The following FER1L6 variants were observed in gnomAD, a reference collection of about 807,000 sequenced individuals.
The protein encoded by FER1L6 is fer-1-like protein 6.
Under a neutral mutation model 219.2 loss-of-function variants are expected in FER1L6, and 177 were observed. The observed-to-expected ratio is 0.81, with a 90% confidence interval of 0.71 to 0.91. The LOEUF (loss-of-function observed/expected upper bound fraction) is 0.91, where lower values mean the gene tolerates loss of function less well. FER1L6 is among the 40% of genes least tolerant of loss of function. The pLI, the probability that FER1L6 is intolerant of heterozygous loss-of-function variation, is 0.00. For synonymous variants in FER1L6, 768 were observed against 824.3 expected, an observed-to-expected ratio of 0.93 and a Z score of 1.17; for missense variants, 2,153 against 2,259.9, an observed-to-expected ratio of 0.95 and a Z score of 0.96.
At chr8:124,053,715 G>A (rs569932171) in intron 22 of FER1L6, among the ~76,000 whole-genome samples, 107 of 152,162 alleles carry the variant, frequency 7.0e-4, no homozygotes, top group African/African-American at 2.3e-3. Context: ...AAATTCAGCC[G>A]GGTGTGATGG....
At chr8:123,858,967 A>G (rs1262549937) in intron 1 of FER1L6, among the ~76,000 whole-genome samples, 1 of 152,050 alleles carries the variant, frequency 6.6e-6, no homozygotes, top group African/African-American at 2.4e-5. Context: ...TTGTGTGCAT[A>G]TATGTAGAGG....
In FER1L6 at chr8:124,083,251, CTAACTA is replaced by C. The variant is rs1821644955; in HGVS notation, c.4391+796_4391+801del. Among the ~76,000 whole-genome samples the C allele has an allele frequency of 2.6e-5, 4 of 152,246 alleles. No individual in the cohort carries two copies. The South Asian group carries it at 8.3e-4, about 32-fold the overall frequency. ...TATCAGATACTGTATCTTATTCTAT[CTAACTA>C]TATTTTTGTACTCATTAACCATCAT... On this transcript the variant is annotated intron_variant, in intron 33 of 40. Coordinates refer to ENST00000522917, the MANE Select transcript of FER1L6 (RefSeq NM_001039112.2).
chr8:124,096,870 C>T (rs1221759281), intron 35 of FER1L6, among the ~76,000 whole-genome samples: 1 of 152,136 alleles, frequency 6.6e-6, no homozygotes, highest in Non-Finnish European at 1.5e-5. Context: ...GACTCTGCTA[C>T]ATATTGTCTA....
At chr8:123,930,605 G>A (rs1813730734) in intron 1 of FER1L6, among the ~76,000 whole-genome samples, 5 of 152,100 alleles carry the variant, frequency 3.3e-5, no homozygotes. Flanking sequence ...CAGGGAGGGA[G>A]TGCCTGGGTT....
At chr8:123,874,983 T>C (rs771428650) in intron 1 of FER1L6, among the ~76,000 whole-genome samples, 1 of 152,058 alleles carries the variant, frequency 6.6e-6, no homozygotes, top group Non-Finnish European at 1.5e-5. Flanking sequence ...GATCATGACG[T>C]CAAGAGATAG....
At chr8:124,114,047 A>G (rs1272308074) in intron 39 of FER1L6, among the ~76,000 whole-genome samples, 2 of 152,148 alleles carry the variant, frequency 1.3e-5, no homozygotes, top group African/African-American at 4.8e-5. Context: ...GGCAATCTTA[A>G]TTATTTCATT....
chr8:124,086,566 T>G (rs1417558810), intron 33 of FER1L6, among the ~76,000 whole-genome samples: 1 of 152,212 alleles, frequency 6.6e-6, no homozygotes, highest in Non-Finnish European at 1.5e-5. Context: ...TAAAAGTTGT[T>G]GTAGTTATTT....
At chr8:124,053,043 C>G (rs1472586839) in intron 22 of FER1L6, among the ~76,000 whole-genome samples, 1 of 152,144 alleles carries the variant, frequency 6.6e-6, no homozygotes, top group Non-Finnish European at 1.5e-5. Flanking sequence ...TCCAGCACTC[C>G]CATTTTGCAC....
intron 6 of FER1L6, among the ~76,000 whole-genome samples, chr8:123,970,495 A>G (rs531845771): frequency 6.6e-6 from 1 of 152,144 alleles, no homozygotes; most frequent in Non-Finnish European, 1.5e-5. Context: ...ATCATTAATC[A>G]CATCTCCTCC....
At chr8:124,021,080 G>T (rs1363403423) in intron 16 of FER1L6, among the ~76,000 whole-genome samples, 1 of 152,000 alleles carries the variant, frequency 6.6e-6, no homozygotes, top group African/African-American at 2.4e-5. Context: ...AGCAAAAGGG[G>T]GAAAAGCTTC....
At chr8:124,118,815 G>A in intron 39 of FER1L6, 29 bp from the exon 40 acceptor site, 1 of 1,606,640 alleles carries the variant, frequency 6.2e-7, no homozygotes, top group Non-Finnish European at 8.5e-7. Context: ...TTTGTGACTG[G>A]AAACAAAAGG....
At chr8:124,095,674 T>G (rs537071375) in intron 35 of FER1L6, among the ~76,000 whole-genome samples, 27 of 152,200 alleles carry the variant, frequency 1.8e-4, no homozygotes, top group Middle Eastern at 3.2e-3. Flanking sequence ...ATAGAATTGT[T>G]TATCCAAACT....
At chr8:123,939,230 G>C (rs1814130808) in intron 1 of FER1L6, 38 of 976,154 alleles carry the variant, frequency 3.9e-5, no homozygotes, top group Non-Finnish European at 4.6e-5. Flanking sequence ...TTCAGTTTGG[G>C]AACCATGACA....
intron 40 of FER1L6, among the ~76,000 whole-genome samples, chr8:124,119,203 C>T (rs551203375): frequency 3.3e-5 from 5 of 152,208 alleles, no homozygotes; most frequent in African/African-American, 9.6e-5. Context: ...GTTGTCAGAG[C>T]GTAGAAGACT....
Position 124,039,999 on chromosome 8 carries a change from C to A in FER1L6, c.2582C>A (p.Thr861Lys), listed in dbSNP as rs1266597798. The A allele has an allele frequency of 6.2e-7, 1 of 1,614,104 alleles. No individual in the cohort carries two copies. Among genetic ancestry groups the A allele is most frequent in the Non-Finnish European group, 8.5e-7 (1 of 1,179,980 alleles). ...GTCACGTTCCTTTCTCACTGCCAGA[C>A]AACAAAGGTAACCAGGGTAACCAAG... is the stretch of plus-strand genomic sequence containing the variant. Reference protein sequence around the residue: ...AKVTFLSHCQTTKIISQTLSP... With the variant: ...AKVTFLSHCQKTKIISQTLSP... The change falls in exon 20 of 41, where the codon ACA (threonine) becomes AAA (lysine). Residue 861 changes from threonine to lysine, a missense_variant. By Grantham distance (78) the Thr-to-Lys change is moderately conservative. Transcript: ENST00000522917.
chr8:124,113,741 A>G (rs967426900), intron 39 of FER1L6, among the ~76,000 whole-genome samples: 4 of 152,150 alleles, frequency 2.6e-5, no homozygotes, highest in Non-Finnish European at 5.9e-5. Flanking sequence ...TTCTCATCAT[A>G]TTGCTTATCT....
intron 1 of FER1L6, among the ~76,000 whole-genome samples, chr8:123,865,738 G>T (rs1217644832): frequency 6.6e-6 from 1 of 151,322 alleles, no homozygotes; most frequent in African/African-American, 2.5e-5. Context: ...GGAGTGACCC[G>T]ATTTTCCAGG....
At chr8:124,065,400 CAAA>C (rs60695255) in intron 26 of FER1L6, among the ~76,000 whole-genome samples, 3 of 55,198 alleles carry the variant, frequency 5.4e-5, no homozygotes, top group African/African-American at 1.7e-4. Context: ...GCCTCCATCT[CAAA>C]AAAAAAAAAA....
At chr8:124,082,550 G>A in intron 33 of FER1L6, 92 bp downstream of exon 33, 1 of 1,226,870 alleles carries the variant, frequency 8.2e-7, no homozygotes, top group Non-Finnish European at 1.1e-6. Context: ...TCCATCTCTA[G>A]GAAGGCCAGA....
Sources: allele counts gnomAD v4.1 joint callset (sites outside exome capture counted in the v4.1 genomes callset), GRCh38; gene constraint gnomAD v4.1.1; transcripts MANE v1.5; gene names NCBI Gene and HGNC (gene_info 2026-07-23, HGNC 2026-07-21).